The following TACC3 variants were observed in gnomAD, a reference collection of about 807,000 sequenced individuals.
The protein encoded by TACC3 is transforming acidic coiled-coil-containing protein 3.
TACC3 carries 52 observed loss-of-function variants against 86.0 expected under a neutral mutation model. The ratio of observed to expected loss-of-function variants is 0.60; its 90% CI spans 0.48 to 0.76. TACC3 has a LOEUF of 0.76. Ranked by LOEUF, TACC3 falls within the 30% of genes least tolerant of loss-of-function variation. The pLI is 0.00. For missense variants in TACC3, 1,120 were observed against 1,070.4 expected, an observed-to-expected ratio of 1.05 and a Z score of -0.65; for synonymous variants, 512 against 430.0, an observed-to-expected ratio of 1.19 and a Z score of -2.36.
chr4:1,743,424 G>T (rs1470845351), intron 13 of TACC3, among the ~76,000 whole-genome samples: 6 of 152,012 alleles, frequency 3.9e-5, no homozygotes, highest in Admixed American at 1.3e-4. Context: ...ATGGTGGCAC[G>T]CACCTGTAGT....
intron 3 of TACC3, among the ~76,000 whole-genome samples, chr4:1,726,631 C>A (rs1717702432): frequency 6.6e-6 from 1 of 152,198 alleles, no homozygotes; most frequent in East Asian, 1.9e-4. Flanking sequence ...GCACACCCTT[C>A]AGTGATTAGG....
Position 1,728,751 on chromosome 4 carries a change from G to A in TACC3, c.1349G>A (p.Gly450Glu), listed in dbSNP as rs1560301750. The stretch of plus-strand genomic sequence containing the variant: ...CCAGCGGCTGAACAGTTGCATGCTG[G>A]GCCTGCCACGGAGGAGCCAGGTCCC... Reference protein sequence around the residue: ...GQPAAEQLHAGPATEEPGPCL... With the variant: ...GQPAAEQLHAEPATEEPGPCL... Residue 450 changes from glycine (G) to glutamate (E), a missense_variant, in exon 4 of 16, where the codon GGG (glycine) becomes GAG (glutamate). Physicochemically the swap from Gly to Glu is moderately conservative, Grantham distance 98. Transcript: ENST00000313288. 3 of 1,611,228 alleles carry A rather than the reference G, an allele frequency of 1.9e-6. No individual in the cohort carries two copies. In the South Asian group the frequency reaches 3.3e-5, roughly 18 times the overall value.
At chr4:1,741,055 T>C in intron 13 of TACC3, 69 bp downstream of exon 13, 1 of 1,465,530 alleles carries the variant, frequency 6.8e-7, no homozygotes, top group Non-Finnish European at 9.2e-7. Context: ...CCAGCGGGGC[T>C]ACAAGCTGCT....
In TACC3 at chr4:1,725,178, G is replaced by A. The variant is rs538239426; in HGVS notation, c.305+1308G>A. On this transcript the variant is annotated intron_variant, in intron 3 of 15. Coordinates refer to ENST00000313288, the MANE Select transcript of TACC3 (RefSeq NM_006342.3). ...AACTCCCGACCTCAGGTGATCTGCC[G>A]GCCTCGGCCTCCCAAAGTGCTGGGA... Among the ~76,000 whole-genome samples, 63 of 150,678 alleles carry A rather than the reference G, an allele frequency of 4.2e-4. 1 individual carries two copies. The highest frequency in any genetic ancestry group is 6.6e-4 in the Admixed American group (10 of 15,130).
In TACC3 at chr4:1,735,634, C is replaced by T. The variant is rs551509342; in HGVS notation, c.1645-97C>T. 3.0e-4 allele frequency: 292 copies of T among 970,022 alleles called. 1 individual carries two copies. Among genetic ancestry groups the T allele is most frequent in the South Asian group, 7.1e-4 (55 of 77,470 alleles). The allele number at this position is 970,022 out of a possible 1,614,324, so 60.1% of individuals were successfully genotyped here. The stretch of plus-strand genomic sequence containing the variant: ...CCGGGGGTGGGAGTGTGCGGGTGAC[C>T]GGGGGTGGGAGTGTGCAGGTGACCT... On this transcript the variant is annotated intron_variant, in intron 7 of 15. Coordinates refer to ENST00000313288, the MANE Select transcript of TACC3 (RefSeq NM_006342.3). The surrounding 1 kb of genome is among the most constrained non-coding windows in gnomAD (Gnocchi z 4.2).
rs1718235300 is a variant in TACC3 at position 1,735,852 on chromosome 4, C to T, written c.1748+18C>T. The T allele has an allele frequency of 1.3e-6, 2 of 1,550,022 alleles. No individual in the cohort carries two copies. Among genetic ancestry groups the T allele is most frequent in the Admixed American group, 1.7e-5 (1 of 57,584 alleles). On this transcript the variant is annotated intron_variant, in intron 8 of 15. Coordinates refer to ENST00000313288, the MANE Select transcript of TACC3 (RefSeq NM_006342.3). This position sits in a 1 kb window ranked among gnomAD's most constrained non-coding sequence, Gnocchi z 4.2. Reference sequence around the variant, plus strand: ...ACCAGCAGGTATGTGCGCCGGCCCTCCCTCATGCATGAAGCCTTGAGTGTG... The same window carrying T: ...ACCAGCAGGTATGTGCGCCGGCCCTTCCTCATGCATGAAGCCTTGAGTGTG...
chr4:1,737,415 G>T, intron 9 of TACC3, 87 bp downstream of exon 9: 1 of 1,370,856 alleles, frequency 7.3e-7, no homozygotes, highest in African/African-American at 1.4e-5. Flanking sequence ...TATTCCTGGG[G>T]GTCTGAGCCT....
At chr4:1,730,724 G>T (rs767630425) in intron 4 of TACC3, 163 bp from the exon 5 acceptor site, 2 of 831,004 alleles carry the variant, frequency 2.4e-6, no homozygotes, top group Non-Finnish European at 2.1e-6. Flanking sequence ...CAGTTTTGTG[G>T]CCAGGTCGCT....
chr4:1,731,306 G>A lies in TACC3; in HGVS notation c.1591+5G>A, dbSNP rs1158782398. 8 of 1,612,852 alleles carry A rather than the reference G, an allele frequency of 5.0e-6. No individual in the cohort carries two copies. The highest frequency in any genetic ancestry group is 4.4e-5 in the South Asian group (4 of 91,074). On this transcript the variant is annotated splice_donor_5th_base_variant and intron_variant, in intron 6 of 15. Transcript: ENST00000313288. Reference sequence around the variant, plus strand: ...GCTTCAGAGACCCCGCTGAGGGTACGTTGCCTGGCACAGACGTCACACACA... The same window carrying A: ...GCTTCAGAGACCCCGCTGAGGGTACATTGCCTGGCACAGACGTCACACACA...
chr4:1,737,407 T>C (rs1157258763), intron 9 of TACC3, 79 bp downstream of exon 9: 5 of 1,397,626 alleles, frequency 3.6e-6, no homozygotes, highest in Non-Finnish European at 5.0e-6. Flanking sequence ...ATATTTTCTA[T>C]TCCTGGGGGT....
At chr4:1,744,484 G>T in intron 13 of TACC3, 34 bp from the exon 14 acceptor site, 1 of 1,596,196 alleles carries the variant, frequency 6.3e-7, no homozygotes, top group Admixed American at 1.7e-5. Context: ...AGCAGACGGC[G>T]TGGTACCCAC....
chr4:1,722,105 C>G (rs1186142662), intron 1 of TACC3, among the ~76,000 whole-genome samples: 1 of 152,176 alleles, frequency 6.6e-6, no homozygotes, highest in Non-Finnish European at 1.5e-5. Context: ...CTGCGCCGCT[C>G]CACCTTCCCC....
upstream of TACC3, chr4:1,720,863 G>T: frequency 6.4e-7 from 1 of 1,552,618 alleles, no homozygotes; most frequent in Non-Finnish European, 8.7e-7. The surrounding 1 kb of genome is among the most constrained non-coding windows in gnomAD (Gnocchi z 4.4). Context: ...AAGCTGTCGA[G>T]CTAGGCCCCC....
In TACC3 at chr4:1,737,249, G is replaced by A. The variant is rs1718318180; in HGVS notation, c.1757G>A (p.Gly586Asp). ...PVATETSSMH[G>D]ANETPSGRPR... The stretch of plus-strand genomic sequence containing the variant: ...CCTCTGCTTGGTGGCAGCATGCACG[G>A]TGCAAATGAGACTCCCTCAGGACGT... The change falls in exon 9 of 16, where the codon GGT (glycine) becomes GAT (aspartate). Residue 586 changes from glycine (G) to aspartate (D), a missense_variant. Transcript: ENST00000313288. 6.2e-7 allele frequency: 1 copy of A among 1,613,928 alleles called. No individual in the cohort carries two copies. Among genetic ancestry groups the A allele is most frequent in the African/African-American group, 1.3e-5 (1 of 74,946 alleles).
intron 4 of TACC3, among the ~76,000 whole-genome samples, chr4:1,729,088 T>C (rs1415302070): frequency 6.6e-6 from 1 of 152,184 alleles, no homozygotes; most frequent in Admixed American, 6.5e-5. Flanking sequence ...CCCCCAGTCA[T>C]GTTCCTCCTC....
intron 10 of TACC3, chr4:1,739,332 C>A: frequency 4.1e-6 from 1 of 246,284 alleles, no homozygotes; most frequent in Non-Finnish European, 7.8e-6. Context: ...GAGATCTGAA[C>A]ATACTGACTT....
chr4:1,745,014 C>T lies in TACC3; in HGVS notation c.*1C>T, dbSNP rs999589670. The T allele has an allele frequency of 6.2e-7, 1 of 1,605,366 alleles. No individual in the cohort carries two copies. The highest frequency in any genetic ancestry group is 1.7e-4 in the Middle Eastern group (1 of 6,056). On this transcript the variant is annotated 3_prime_UTR_variant, in exon 16 of 16. Transcript: ENST00000313288. ...CATCTCCAAGATGGAGAAGATCTGA[C>T]CTCCACGGAGCCGCTGTCCCCGCCC...
chr4:1,739,485 C>T (rs1718456815), intron 10 of TACC3: 3 of 583,196 alleles, frequency 5.1e-6, no homozygotes, highest in Admixed American at 6.0e-5. Flanking sequence ...CAGCCAGCAG[C>T]CTCATGCCTC....
At position 1,735,265 on chromosome 4, in the gene TACC3, C is replaced by T. The variant is rs767992065; in HGVS notation, c.1592-8C>T. 24 of 1,613,838 alleles carry T rather than the reference C, an allele frequency of 1.5e-5. No homozygotes were observed. Among genetic ancestry groups the T allele is most frequent in the African/African-American group, 4.0e-5 (3 of 74,956 alleles). On this transcript the variant is annotated splice_region_variant and splice_polypyrimidine_tract_variant and intron_variant, in intron 6 of 15. Transcript: ENST00000313288. The surrounding 1 kb of genome is among the most constrained non-coding windows in gnomAD (Gnocchi z 4.2). ...GGCGATGGCGGCGGCATGATTCACTCCTCTCAGTTCTAGGCACGGGCGCGG... is the reference window on the plus strand; with the variant it reads ...GGCGATGGCGGCGGCATGATTCACTTCTCTCAGTTCTAGGCACGGGCGCGG...
Sources: allele counts gnomAD v4.1 joint callset (sites outside exome capture counted in the v4.1 genomes callset), GRCh38; gene constraint gnomAD v4.1.1; non-coding constraint Gnocchi (gnomAD v3.1); transcripts MANE v1.5; gene names NCBI Gene and HGNC (gene_info 2026-07-23, HGNC 2026-07-21).